Variants in LRP1B observed in about 807,000 individuals in gnomAD.
LRP1B encodes the protein LDL receptor related protein 1B.
A neutral mutation model predicts 556.6 loss-of-function variants in LRP1B; 217 were observed. That is an observed-to-expected ratio of 0.39 (90% confidence interval 0.35 to 0.44). The LOEUF (loss-of-function observed/expected upper bound fraction) is 0.44, where lower values mean the gene tolerates loss of function less well. LRP1B is among the 20% of genes least tolerant of loss of function. The pLI is 1.00. For synonymous variants in LRP1B, 2,047 were observed against 1,865.8 expected (o/e 1.10, Z -2.50); for missense variants, 5,053 against 5,620.8 (o/e 0.90, Z 3.23).
intron 77 of LRP1B, among the ~76,000 whole-genome samples, chr2:140,347,480 C>T (rs945118119): frequency 6.7e-6 from 1 of 148,820 alleles, no homozygotes; most frequent in African/African-American, 2.5e-5. Context: ...AAAAAAGAAA[C>T]GGGATCACAT....
intron 15 of LRP1B, among the ~76,000 whole-genome samples, chr2:140,997,606 T>C (rs1208815982): frequency 3.3e-5 from 5 of 151,946 alleles, no homozygotes; most frequent in Admixed American, 2.6e-4. Context: ...GAATTATAAC[T>C]TAGTCATAAT....
At chr2:142,094,613 G>T (rs992491347) in intron 1 of LRP1B, among the ~76,000 whole-genome samples, 7 of 151,900 alleles carry the variant, frequency 4.6e-5, no homozygotes, top group African/African-American at 1.7e-4. Context: ...AAACTAAAAT[G>T]ATTGTTAAAT....
intron 35 of LRP1B, among the ~76,000 whole-genome samples, chr2:140,738,746 T>A (rs1267156821): frequency 6.6e-6 from 1 of 152,134 alleles, no homozygotes; most frequent in Non-Finnish European, 1.5e-5. Flanking sequence ...ATCGCCATCT[T>A]TACTCACAGA....
intron 2 of LRP1B, among the ~76,000 whole-genome samples, chr2:141,540,871 A>T (rs1685233760): frequency 6.6e-6 from 1 of 152,046 alleles, no homozygotes; most frequent in South Asian, 2.1e-4. Context: ...ATGCCATGTC[A>T]ATAGTGGTGA....
intron 2 of LRP1B, among the ~76,000 whole-genome samples, chr2:141,518,882 G>A (rs189594967): frequency 1.7e-3 from 258 of 152,136 alleles, no homozygotes; most frequent in African/African-American, 5.9e-3. Flanking sequence ...CCTGGGAGGC[G>A]GAGGCTGCAG....
intron 1 of LRP1B, among the ~76,000 whole-genome samples, chr2:141,883,450 A>T (rs532764662): frequency 6.6e-6 from 1 of 152,322 alleles, no homozygotes; most frequent in East Asian, 1.9e-4. Flanking sequence ...ATTACCTTTT[A>T]AAAAGGAAAT....
At chr2:141,738,816 C>G (rs1292476010) in intron 2 of LRP1B, among the ~76,000 whole-genome samples, 1 of 152,036 alleles carries the variant, frequency 6.6e-6, no homozygotes, top group Non-Finnish European at 1.5e-5. Flanking sequence ...CAGTTATATT[C>G]AATCTTATTC....
intron 6 of LRP1B, among the ~76,000 whole-genome samples, chr2:141,225,119 T>A (rs1683192781): frequency 1.3e-5 from 2 of 152,154 alleles, no homozygotes; most frequent in African/African-American, 2.4e-5. Context: ...GATAAAAGCC[T>A]GTGAATGGGG....
At chr2:141,581,657 T>G (rs1456457773) in intron 2 of LRP1B, among the ~76,000 whole-genome samples, 2 of 152,192 alleles carry the variant, frequency 1.3e-5, no homozygotes, top group Non-Finnish European at 1.5e-5. Context: ...TTATAGATAA[T>G]TACGATGCTT....
intron 37 of LRP1B, among the ~76,000 whole-genome samples, chr2:140,713,325 AT>A (rs35704146): frequency 0.057 from 8,407 of 147,494 alleles, 357 homozygotes; most frequent in African/African-American, 0.12. Flanking sequence ...AAGGTATAGA[AT>A]TTTTTTTTTT....
chr2:140,967,248 G>A (rs4584968), intron 18 of LRP1B, among the ~76,000 whole-genome samples: 121,637 of 151,626 alleles, frequency 0.8, 49,480 homozygotes, highest in Non-Finnish European at 0.87. Flanking sequence ...CTCCTCAAAG[G>A]GGTTCTTCAC....
chr2:140,859,100 G>A (rs1692707356), intron 27 of LRP1B, among the ~76,000 whole-genome samples: 1 of 152,082 alleles, frequency 6.6e-6, no homozygotes, highest in Non-Finnish European at 1.5e-5. Flanking sequence ...GTTTACCAGT[G>A]TCAGCCATCG....
At chr2:140,772,129 T>G (rs918460861) in intron 33 of LRP1B, among the ~76,000 whole-genome samples, 6 of 152,180 alleles carry the variant, frequency 3.9e-5, no homozygotes, top group Non-Finnish European at 1.5e-5. Flanking sequence ...GTAGGGCCAT[T>G]ATATGGCCCT....
intron 2 of LRP1B, among the ~76,000 whole-genome samples, chr2:141,598,085 TA>T (rs5834848): frequency 0.23 from 35,446 of 151,686 alleles, 5,205 homozygotes; most frequent in East Asian, 0.5. Flanking sequence ...GGTGCTTTTT[TA>T]TGATATATAA....
At chr2:140,245,592 AT>A (rs916827825) in intron 87 of LRP1B, among the ~76,000 whole-genome samples, 5 of 151,326 alleles carry the variant, frequency 3.3e-5, no homozygotes, top group African/African-American at 1.2e-4. Flanking sequence ...CTTCAAATGC[AT>A]TTTTTTATTA....
At chr2:140,402,139 C>T (rs1274532409) in intron 66 of LRP1B, among the ~76,000 whole-genome samples, 3 of 152,158 alleles carry the variant, frequency 2.0e-5, no homozygotes, top group Non-Finnish European at 2.9e-5. Flanking sequence ...TAGCCTGGCT[C>T]TCAGAAACTC....
chr2:141,793,726 A>G (rs1042244719), intron 2 of LRP1B, among the ~76,000 whole-genome samples: 1 of 151,968 alleles, frequency 6.6e-6, no homozygotes, highest in African/African-American at 2.4e-5. Flanking sequence ...ATTTATTTTA[A>G]GAAACTTTAA....
At chr2:140,683,708 T>C (rs1685944238) in intron 41 of LRP1B, 3 of 733,710 alleles carry the variant, frequency 4.1e-6, no homozygotes, top group Non-Finnish European at 7.4e-6. Context: ...GGACTGTCAT[T>C]AGAGACACTC....
At chr2:142,120,168 G>A (rs1707409485) in intron 1 of LRP1B, among the ~76,000 whole-genome samples, 1 of 152,132 alleles carries the variant, frequency 6.6e-6, no homozygotes, top group East Asian at 1.9e-4. Flanking sequence ...TTGGAGTGCT[G>A]TGGCACAATC....
Sources: gnomAD v4.1 joint callset for allele counts (sites outside exome capture counted in the v4.1 genomes callset) on GRCh38, gnomAD v4.1.1 for gene constraint, MANE v1.5 for transcripts, NCBI Gene and HGNC (gene_info 2026-07-23, HGNC 2026-07-21) for gene names.